ROBO1: variants seen among roughly 807,000 people sequenced by gnomAD.
The protein encoded by ROBO1 is roundabout guidance receptor 1.
Under a neutral mutation model 195.9 loss-of-function variants are expected in ROBO1, and 149 were observed. That is an observed-to-expected ratio of 0.76 (90% CI 0.67 to 0.87). The LOEUF (loss-of-function observed/expected upper bound fraction) is 0.87, where lower values mean the gene tolerates loss of function less well. ROBO1 is among the 40% of genes least tolerant of loss of function. The pLI, the probability that ROBO1 is intolerant of heterozygous loss-of-function variation, is 0.00. For synonymous variants in ROBO1, 816 were observed against 733.2 expected (o/e 1.11, Z -1.82); for missense variants, 1,933 against 2,068.3 (o/e 0.93, Z 1.27).
chr3:78,870,783 A>C (rs1265797819), intron 4 of ROBO1, among the ~76,000 whole-genome samples: 1 of 152,162 alleles, frequency 6.6e-6, no homozygotes, highest in Non-Finnish European at 1.5e-5. Flanking sequence ...TGTTAGCAAG[A>C]AAAACCATTG....
At chr3:79,692,433 C>T (rs1342390667) in intron 1 of ROBO1, among the ~76,000 whole-genome samples, 1 of 151,792 alleles carries the variant, frequency 6.6e-6, no homozygotes, top group Non-Finnish European at 1.5e-5. Flanking sequence ...TCCAAGAGGA[C>T]AGTAGGGTGA....
intron 2 of ROBO1, among the ~76,000 whole-genome samples, chr3:79,300,227 G>A (rs964755856): frequency 1.3e-5 from 2 of 152,206 alleles, no homozygotes; most frequent in African/African-American, 2.4e-5. Context: ...GGGGAGAGGC[G>A]TGAGCGGGAA....
chr3:78,804,634 GGGCAGA>G lies in ROBO1; in HGVS notation c.500-57740_500-57735del, dbSNP rs543360577. 1.3e-4 allele frequency among the ~76,000 whole-genome samples: 19 copies of G among 149,974 alleles called. No individual in the cohort carries two copies. The South Asian group carries it at 3.8e-3, about 30-fold the overall frequency. On this transcript the variant is annotated intron_variant, in intron 4 of 30. Coordinates refer to ENST00000464233, the MANE Select transcript of ROBO1 (RefSeq NM_002941.4). ...GTAGAGGGAAAAAAATAAAGTTATT[GGGCAGA>G]CTTCTTATTTTCATTAATGAATGGT...
intron 4 of ROBO1, among the ~76,000 whole-genome samples, chr3:78,771,638 T>A (rs1373603486): frequency 6.6e-6 from 1 of 152,148 alleles, no homozygotes; most frequent in African/African-American, 2.4e-5. Flanking sequence ...TTCCTAGGTA[T>A]TTTATTTGTG....
chr3:79,379,603 T>C (rs1261475590), intron 2 of ROBO1, among the ~76,000 whole-genome samples: 1 of 152,234 alleles, frequency 6.6e-6, no homozygotes, highest in Non-Finnish European at 1.5e-5. Flanking sequence ...ACCTTAAGGC[T>C]ACACTTTTGC....
chr3:79,448,973 C>T (rs2039358302), intron 2 of ROBO1, among the ~76,000 whole-genome samples: 2 of 152,032 alleles, frequency 1.3e-5, no homozygotes, highest in Admixed American at 1.3e-4. Context: ...CTCATGCCTG[C>T]AATCCCAGCA....
chr3:79,304,110 T>C (rs1003628686), intron 2 of ROBO1, among the ~76,000 whole-genome samples: 2 of 152,186 alleles, frequency 1.3e-5, no homozygotes, highest in East Asian at 3.9e-4. Flanking sequence ...TATAAAGCAT[T>C]AAATATACGC....
In ROBO1 at chr3:79,086,089, C is replaced by T. The variant is rs535975592; in HGVS notation, c.172+39367G>A. On this transcript the variant is annotated intron_variant, in intron 3 of 30. Transcript: ENST00000464233. ...ACCTCTGTAAACATTTAGTGGCTCA[C>T]AATTAGGTAATTAACAAATGGAGTT... is the stretch of plus-strand genomic sequence containing the variant. Among the ~76,000 whole-genome samples the T allele has an allele frequency of 2.0e-5, 3 of 149,468 alleles. No individual in the cohort carries two copies. The East Asian group carries it at 5.9e-4, about 29-fold the overall frequency.
chr3:79,052,234 T>A (rs2078714800), intron 3 of ROBO1, among the ~76,000 whole-genome samples: 1 of 152,090 alleles, frequency 6.6e-6, no homozygotes, highest in African/African-American at 2.4e-5. Flanking sequence ...TGGGAGTGTT[T>A]GTCTTATGCA....
chr3:79,164,513 G>C (rs559905350), intron 2 of ROBO1, among the ~76,000 whole-genome samples: 1 of 152,184 alleles, frequency 6.6e-6, no homozygotes, highest in South Asian at 2.1e-4. Flanking sequence ...CTCTCATCTT[G>C]ATCCAGCCCA....
intron 29 of ROBO1, among the ~76,000 whole-genome samples, chr3:78,603,484 G>T (rs1416246451): frequency 2.0e-5 from 3 of 152,034 alleles, no homozygotes; most frequent in Non-Finnish European, 4.4e-5. Context: ...CAAGCCCCTT[G>T]AAGTCAAGGT....
At chr3:79,020,632 C>T (rs2078080678) in intron 3 of ROBO1, among the ~76,000 whole-genome samples, 1 of 152,196 alleles carries the variant, frequency 6.6e-6, no homozygotes, top group Admixed American at 6.5e-5. Flanking sequence ...GCGGAGGTTG[C>T]AGTGAGCCGA....
At chr3:78,708,740 T>C (rs1236572717) in intron 8 of ROBO1, among the ~76,000 whole-genome samples, 1 of 152,166 alleles carries the variant, frequency 6.6e-6, no homozygotes, top group Non-Finnish European at 1.5e-5. Context: ...TGTTAGATTT[T>C]ACCTTTTATA....
At chr3:78,981,405 A>G (rs987406403) in intron 3 of ROBO1, among the ~76,000 whole-genome samples, 11 of 152,286 alleles carry the variant, frequency 7.2e-5, no homozygotes, top group South Asian at 4.1e-4. Flanking sequence ...AAAACTCAGG[A>G]AGCAGTAGCA....
At chr3:78,944,509 T>C (rs993013375) in intron 3 of ROBO1, among the ~76,000 whole-genome samples, 3 of 152,050 alleles carry the variant, frequency 2.0e-5, no homozygotes, top group Admixed American at 6.6e-5. Context: ...TCTTTGGGGA[T>C]AGAAGAAAAT....
intron 1 of ROBO1, among the ~76,000 whole-genome samples, chr3:79,716,604 GA>G (rs560812691): frequency 6.6e-6 from 1 of 151,530 alleles, no homozygotes. Flanking sequence ...TAGAAAATTA[GA>G]AAAAAAATAA....
intron 8 of ROBO1, among the ~76,000 whole-genome samples, chr3:78,712,094 T>C (rs2081772908): frequency 6.9e-6 from 1 of 144,060 alleles, no homozygotes; most frequent in African/African-American, 2.6e-5. Flanking sequence ...ATTAACTACA[T>C]CTGTGCTGGG....
In ROBO1 at chr3:79,620,301, C is replaced by T. The variant is rs981325694; in HGVS notation, c.-50-30340G>A. On this transcript the variant is annotated intron_variant, in intron 1 of 30. Coordinates refer to ENST00000464233, the MANE Select transcript of ROBO1 (RefSeq NM_002941.4). ...TTAGGGGCTGAAGACTGATGCTGCC[C>T]GATCGCCTCGGAAGCCTCCTGGACC... Among the ~76,000 whole-genome samples, 7 of 152,128 alleles carry T rather than the reference C, an allele frequency of 4.6e-5. No homozygotes were observed. In the South Asian group the frequency reaches 6.2e-4, roughly 14 times the overall value.
At chr3:79,532,575 A>G (rs1941702435) in intron 2 of ROBO1, among the ~76,000 whole-genome samples, 1 of 152,204 alleles carries the variant, frequency 6.6e-6, no homozygotes, top group African/African-American at 2.4e-5. Context: ...GAACTGGTAC[A>G]GAGGAAGAGC....
Sources: gnomAD v4.1 joint callset for allele counts (sites outside exome capture counted in the v4.1 genomes callset) on GRCh38, gnomAD v4.1.1 for gene constraint, MANE v1.5 for transcripts, NCBI Gene and HGNC (gene_info 2026-07-23, HGNC 2026-07-21) for gene names.